SOX6: variants seen among roughly 807,000 people sequenced by gnomAD.
The protein encoded by SOX6 is transcription factor SOX-6.
SOX6 carries 11 observed loss-of-function variants against 97.8 expected under a neutral mutation model. The ratio of observed to expected loss-of-function variants is 0.11; its 90% CI spans 0.07 to 0.19. SOX6 has a LOEUF of 0.19. Among genes scored for constraint, SOX6 ranks in the 10% least tolerant of loss-of-function variants. SOX6 has a pLI of 1.00. For synonymous variants in SOX6, 360 were observed against 371.4 expected, an observed-to-expected ratio of 0.97 and a Z score of 0.35; for missense variants, 810 against 1,039.5, an observed-to-expected ratio of 0.78 and a Z score of 3.04.
intron 6 of SOX6, among the ~76,000 whole-genome samples, chr11:16,145,704 A>G (rs1275078982): frequency 6.6e-6 from 1 of 152,216 alleles, no homozygotes. Context: ...TCATACACCA[A>G]CAACAGACAA....
intron 4 of SOX6, among the ~76,000 whole-genome samples, chr11:16,199,987 T>C (rs1256107328): frequency 6.6e-6 from 1 of 152,190 alleles, no homozygotes; most frequent in African/African-American, 2.4e-5. Context: ...TAAAATTAAA[T>C]TATATGTCAA....
At chr11:16,019,828 G>A (rs1257784952) in intron 12 of SOX6, among the ~76,000 whole-genome samples, 1 of 152,062 alleles carries the variant, frequency 6.6e-6, no homozygotes, top group Admixed American at 6.6e-5. Flanking sequence ...GTGTATTCCT[G>A]ACGCAGAATT....
intron 2 of SOX6, among the ~76,000 whole-genome samples, chr11:16,320,744 C>T (rs954130314): frequency 6.6e-6 from 1 of 152,068 alleles, no homozygotes; most frequent in South Asian, 2.1e-4. Flanking sequence ...GAATTGTATA[C>T]ATTAAGTGGG....
chr11:16,475,564 A>G (rs1860227481), intron 1 of SOX6, among the ~76,000 whole-genome samples: 1 of 152,158 alleles, frequency 6.6e-6, no homozygotes, highest in Admixed American at 6.5e-5. Context: ...AATACACACA[A>G]GTTTGCCACC....
At chr11:16,571,051 A>T (rs1042230355) in intron 4 of SOX6, among the ~76,000 whole-genome samples, 2 of 152,210 alleles carry the variant, frequency 1.3e-5, no homozygotes, top group African/African-American at 2.4e-5. Flanking sequence ...CTACTTGAAC[A>T]CTTCTAGAAT....
intron 1 of SOX6, among the ~76,000 whole-genome samples, chr11:16,361,884 A>G (rs631163): frequency 0.41 from 62,132 of 152,126 alleles, 13,267 homozygotes; most frequent in African/African-American, 0.54. Context: ...CTTCAAAATC[A>G]TGAAAACTAG....
At chr11:16,479,823 G>C (rs1202157953), upstream of SOX6, among the ~76,000 whole-genome samples, 1 of 151,970 alleles carries the variant, frequency 6.6e-6, no homozygotes, top group African/African-American at 2.4e-5. Context: ...AACTTTTACT[G>C]TCTATATCCT....
At chr11:16,009,683 A>C (rs73417055) in intron 13 of SOX6, among the ~76,000 whole-genome samples, 16,312 of 152,048 alleles carry the variant, frequency 0.11, 1,858 homozygotes, top group East Asian at 0.36. Flanking sequence ...GATTTCTTGG[A>C]CTGAATTACA....
At chr11:16,170,738 G>A (rs1235695639) in intron 6 of SOX6, among the ~76,000 whole-genome samples, 1 of 151,976 alleles carries the variant, frequency 6.6e-6, no homozygotes, top group African/African-American at 2.4e-5. Context: ...TTTTAACTAG[G>A]CAAGGGAAAT....
At chr11:16,499,463 C>A (rs7103302) in intron 4 of SOX6, among the ~76,000 whole-genome samples, 4,924 of 152,118 alleles carry the variant, frequency 0.032, 252 homozygotes, top group African/African-American at 0.11. Context: ...AAGATCAGAG[C>A]AGAACTGAAA....
At chr11:16,009,067 T>C (rs1854638619) in intron 13 of SOX6, among the ~76,000 whole-genome samples, 1 of 152,162 alleles carries the variant, frequency 6.6e-6, no homozygotes, top group South Asian at 2.1e-4. Context: ...ACAGCATAGC[T>C]CTAGTTAATG....
chr11:16,197,728 G>A (rs1405567402), intron 4 of SOX6, among the ~76,000 whole-genome samples: 1 of 152,092 alleles, frequency 6.6e-6, no homozygotes, highest in African/African-American at 2.4e-5. Context: ...TGTTTCCTAT[G>A]TAGCATTCAC....
intron 6 of SOX6, among the ~76,000 whole-genome samples, chr11:16,140,048 C>T (rs1224738383): frequency 6.6e-6 from 1 of 151,176 alleles, no homozygotes; most frequent in East Asian, 1.9e-4. Flanking sequence ...TATATGCACA[C>T]ACACATACAT....
intron 1 of SOX6, among the ~76,000 whole-genome samples, chr11:16,417,232 T>A (rs1231728405): frequency 6.6e-6 from 1 of 152,176 alleles, no homozygotes; most frequent in Non-Finnish European, 1.5e-5. Flanking sequence ...TTGGGTTCCA[T>A]CCAGACTGTA....
At chr11:16,117,902 C>T (rs540887544) in intron 6 of SOX6, among the ~76,000 whole-genome samples, 1 of 152,306 alleles carries the variant, frequency 6.6e-6, no homozygotes, top group South Asian at 2.1e-4. Flanking sequence ...ACTCCCCTCA[C>T]TCCATCAAAG....
At chr11:16,255,873 A>G (rs920833440) in intron 3 of SOX6, among the ~76,000 whole-genome samples, 1 of 151,888 alleles carries the variant, frequency 6.6e-6, no homozygotes, top group Admixed American at 6.6e-5. Context: ...CAAATTGGTA[A>G]TATCAGAAAT....
intron 1 of SOX6, among the ~76,000 whole-genome samples, chr11:16,343,856 T>G (rs531686184): frequency 6.6e-6 from 1 of 152,036 alleles, no homozygotes; most frequent in Non-Finnish European, 1.5e-5. Context: ...TTGTCTTTTA[T>G]TTTGCATCTA....
At chr11:16,171,651 A>T (rs1427107199) in intron 6 of SOX6, among the ~76,000 whole-genome samples, 1 of 152,000 alleles carries the variant, frequency 6.6e-6, no homozygotes, top group Non-Finnish European at 1.5e-5. Context: ...AAAAAATAAA[A>T]CAAAGTTTAT....
intron 3 of SOX6, among the ~76,000 whole-genome samples, chr11:16,236,447 A>G (rs11023883): frequency 0.051 from 7,706 of 152,080 alleles, 279 homozygotes; most frequent in Non-Finnish European, 0.08. Context: ...AGAGATTGAT[A>G]TAACGTTAGA....
Sources: allele counts gnomAD v4.1 joint callset (sites outside exome capture counted in the v4.1 genomes callset), GRCh38; gene constraint gnomAD v4.1.1; transcripts MANE v1.5; gene names NCBI Gene and HGNC (gene_info 2026-07-23, HGNC 2026-07-21).